SMIM12: variants seen among roughly 807,000 people sequenced by gnomAD.
SMIM12 encodes small integral membrane protein 12, also known as UPF0767 protein C1orf212.
A neutral mutation model predicts 6.3 loss-of-function variants in SMIM12; 5 were observed. That is an observed-to-expected ratio of 0.80 (90% CI 0.42 to 1.68). The LOEUF is 1.68. Among genes scored for constraint, SMIM12 ranks in the 40% most tolerant of loss-of-function variants. The pLI is 0.02. For synonymous variants in SMIM12, 51 were observed against 48.0 expected (o/e 1.06, Z -0.26); for missense variants, 103 against 121.4 (o/e 0.85, Z 0.71).
chr1:34,854,962 T>G lies in SMIM12; in HGVS notation c.*737A>C, dbSNP rs1029267552. 1 of 940,138 alleles carries G rather than the reference T, an allele frequency of 1.1e-6. No homozygotes were observed. The highest frequency in any genetic ancestry group is 1.4e-6 in the Non-Finnish European group (1 of 698,040). The allele number at this position is 940,138 out of a possible 1,614,324, so 58.2% of individuals were successfully genotyped here. The stretch of plus-strand genomic sequence containing the variant: ...GCTCCTTGGCACCCTTTAATACCAA[T>G]GTTATCCTGCTCTAAAATGCCTGTA... On this transcript the variant is annotated 3_prime_UTR_variant, in exon 2 of 2. Coordinates refer to ENST00000521580, the MANE Select transcript of SMIM12 (RefSeq NM_138428.6).
Position 34,854,334 on chromosome 1 carries a change from G to A in SMIM12, c.*1365C>T, listed in dbSNP as rs901311079. On this transcript the variant is annotated 3_prime_UTR_variant, in exon 2 of 2. Transcript: ENST00000521580. ...AAAAAAAAAGAAAAAAGAAACTACAGGCCAAGGCCGGAGGATCACTTGAGC... is the reference window on the plus strand; with the variant it reads ...AAAAAAAAAGAAAAAAGAAACTACAAGCCAAGGCCGGAGGATCACTTGAGC... 1.1e-4 allele frequency: 17 copies of A among 152,132 alleles called. No homozygotes were observed. Among genetic ancestry groups the A allele is most frequent in the African/African-American group, 4.1e-4 (17 of 41,394 alleles). 9.4% of individuals were successfully genotyped at this position (152,132 alleles called of 1,614,324 possible).
Position 34,855,380 on chromosome 1 carries a change from A to G in SMIM12, c.*319T>C, listed in dbSNP as rs375466926. ...CCCAAATCCCAGCCATTCCCACTAGAGGCCAAACCGCCTGCCCACAGAGAT... is the reference window on the plus strand; with the variant it reads ...CCCAAATCCCAGCCATTCCCACTAGGGGCCAAACCGCCTGCCCACAGAGAT... On this transcript the variant is annotated 3_prime_UTR_variant, in exon 2 of 2. Coordinates refer to ENST00000521580, the MANE Select transcript of SMIM12 (RefSeq NM_138428.6). 12 of 1,472,114 alleles carry G rather than the reference A, an allele frequency of 8.2e-6. No individual in the cohort carries two copies. The highest frequency in any genetic ancestry group is 1.1e-5 in the Non-Finnish European group (12 of 1,089,836). 91.2% of individuals were successfully genotyped at this position (1,472,114 alleles called of 1,614,324 possible).
Position 34,852,316 on chromosome 1 carries a change from T to A in SMIM12, c.*3383A>T, listed in dbSNP as rs147162107. 6.6e-6 allele frequency among the ~76,000 whole-genome samples: 1 copy of A among 152,128 alleles called. No individual in the cohort carries two copies. Among genetic ancestry groups the A allele is most frequent in the Non-Finnish European group, 1.5e-5 (1 of 68,026 alleles). ...AGATCTGAAAATCCAAAAATGTCCA[T>A]GGGAAATGTGTTTGCTATTATTTCT... On this transcript the variant is annotated 3_prime_UTR_variant, in exon 2 of 2. Transcript: ENST00000521580.
Position 34,855,403 on chromosome 1 carries a change from G to C in SMIM12, c.*296C>G, listed in dbSNP as rs1257149897. 1.3e-6 allele frequency: 2 copies of C among 1,511,600 alleles called. No individual in the cohort carries two copies. Among genetic ancestry groups the C allele is most frequent in the Admixed American group, 3.5e-5 (2 of 56,842 alleles). The allele number at this position is 1,511,600 out of a possible 1,614,324, so 93.6% of individuals were successfully genotyped here. A position where few individuals can be genotyped will look rare whatever the true frequency, so the allele number is the denominator to read the frequency against. On this transcript the variant is annotated 3_prime_UTR_variant, in exon 2 of 2. Transcript: ENST00000521580. ...AGAGGCCAAACCGCCTGCCCACAGA[G>C]ATTGACAGCCAATGTTCATCTCATA...
In SMIM12 at chr1:34,855,257, A is replaced by G; in HGVS notation, c.*442T>C. The G allele has an allele frequency of 7.3e-7, 1 of 1,371,268 alleles. No homozygotes were observed. Among genetic ancestry groups the G allele is most frequent in the Non-Finnish European group, 9.8e-7 (1 of 1,024,372 alleles). The allele number at this position is 1,371,268 out of a possible 1,614,324, so 84.9% of individuals were successfully genotyped here. On this transcript the variant is annotated 3_prime_UTR_variant, in exon 2 of 2. Coordinates refer to ENST00000521580, the MANE Select transcript of SMIM12 (RefSeq NM_138428.6). ...CAGATTTCAGTAAGAATGAGCACAAAGGATAGGGCAAAATAGTGAAGGGAG... is the reference window on the plus strand; with the variant it reads ...CAGATTTCAGTAAGAATGAGCACAAGGGATAGGGCAAAATAGTGAAGGGAG...
chr1:34,850,722 C>A lies in SMIM12; in HGVS notation c.*4977G>T, dbSNP rs573939756. ...TCCCCATTTTGCAGGGAAACCAAGG[C>A]CAGTAGAGGTGAAGCGGCATACCCC... On this transcript the variant is annotated 3_prime_UTR_variant, in exon 2 of 2. Transcript: ENST00000521580. 1 of 152,306 alleles carries A rather than the reference C, an allele frequency of 6.6e-6. No individual in the cohort carries two copies. Among genetic ancestry groups the A allele is most frequent in the East Asian group, 1.9e-4 (1 of 5,182 alleles). The allele number at this position is 152,306 out of a possible 1,614,324, so 9.4% of individuals were successfully genotyped here.
chr1:34,855,638 T>C lies in SMIM12; in HGVS notation c.*61A>G, dbSNP rs1236380661. 6.2e-7 allele frequency: 1 copy of C among 1,613,898 alleles called. No individual in the cohort carries two copies. The highest frequency in any genetic ancestry group is 1.3e-5 in the African/African-American group (1 of 74,904). On this transcript the variant is annotated 3_prime_UTR_variant, in exon 2 of 2. Transcript: ENST00000521580. ...ATTAGATGTGGGTTCTGGGGCTCTG[T>C]CAACATGGTAGCAGGACAAGTCACC...
rs1257149897 is a variant in SMIM12, at chr1:34,855,403, G to A, written c.*296C>T. The A allele has an allele frequency of 6.6e-7, 1 of 1,511,600 alleles. No individual in the cohort carries two copies. Among genetic ancestry groups the A allele is most frequent in the Non-Finnish European group, 9.0e-7 (1 of 1,114,880 alleles). The allele number at this position is 1,511,600 out of a possible 1,614,324, so 93.6% of individuals were successfully genotyped here. A position where few individuals can be genotyped will look rare whatever the true frequency, so the allele number is the denominator to read the frequency against. ...AGAGGCCAAACCGCCTGCCCACAGA[G>A]ATTGACAGCCAATGTTCATCTCATA... On this transcript the variant is annotated 3_prime_UTR_variant, in exon 2 of 2. Coordinates refer to ENST00000521580, the MANE Select transcript of SMIM12 (RefSeq NM_138428.6).
At chr1:34,859,125 G>C (rs748511612) in intron 1 of SMIM12, 12 of 152,232 alleles carry the variant, frequency 7.9e-5, no homozygotes, top group Admixed American at 5.2e-4. Context: ...GTATCACAAT[G>C]AAAGAGGCAA....
At chr1:34,858,842 T>C (rs550869431) in intron 1 of SMIM12, 2 of 152,370 alleles carry the variant, frequency 1.3e-5, no homozygotes, top group Admixed American at 6.5e-5. Context: ...TGGCTTACCC[T>C]GTCTGCGTTT....
chr1:34,851,649 C>T lies in SMIM12; in HGVS notation c.*4050G>A, dbSNP rs1039202503. 2.6e-5 allele frequency: 4 copies of T among 152,146 alleles called. No homozygotes were observed. Among genetic ancestry groups the T allele is most frequent in the East Asian group, 3.9e-4 (2 of 5,184 alleles). The allele number at this position is 152,146 out of a possible 1,614,324, so 9.4% of individuals were successfully genotyped here. On this transcript the variant is annotated 3_prime_UTR_variant, in exon 2 of 2. Transcript: ENST00000521580. ...AGGCTTGTTCTGGCAGCTGCCCAGC[C>T]GACTTGTGCTAACACAGCAACAGGC...
intron 1 of SMIM12, among the ~76,000 whole-genome samples, chr1:34,856,216 A>G (rs965034647): frequency 1.3e-5 from 2 of 151,834 alleles, no homozygotes; most frequent in African/African-American, 4.8e-5. Context: ...AGTAGCTGGG[A>G]TTACAGCTAA....
Position 34,855,538 on chromosome 1 carries a change from G to A in SMIM12, c.*161C>T. ...TGGCCCCTCGGCTGCTGCTGGGTCT[G>A]CCTGGCCATCAAGGAGCAGCCAGTA... is the stretch of plus-strand genomic sequence containing the variant. On this transcript the variant is annotated 3_prime_UTR_variant, in exon 2 of 2. Coordinates refer to ENST00000521580, the MANE Select transcript of SMIM12 (RefSeq NM_138428.6). 1 of 1,612,158 alleles carries A rather than the reference G, an allele frequency of 6.2e-7. No individual in the cohort carries two copies. The highest frequency in any genetic ancestry group is 8.5e-7 in the Non-Finnish European group (1 of 1,179,274).
Position 34,855,391 on chromosome 1 carries a change from C to T in SMIM12, c.*308G>A. ...GCCATTCCCACTAGAGGCCAAACCG[C>T]CTGCCCACAGAGATTGACAGCCAAT... On this transcript the variant is annotated 3_prime_UTR_variant, in exon 2 of 2. Coordinates refer to ENST00000521580, the MANE Select transcript of SMIM12 (RefSeq NM_138428.6). 6.7e-7 allele frequency: 1 copy of T among 1,489,956 alleles called. No individual in the cohort carries two copies. Among genetic ancestry groups the T allele is most frequent in the South Asian group, 1.1e-5 (1 of 89,246 alleles). 92.3% of individuals were successfully genotyped at this position (1,489,956 alleles called of 1,614,324 possible). A position where few individuals can be genotyped will look rare whatever the true frequency, so the allele number is the denominator to read the frequency against.
At chr1:34,857,947 G>A (rs1330174833) in intron 1 of SMIM12, 2 of 152,116 alleles carry the variant, frequency 1.3e-5, no homozygotes, top group South Asian at 2.1e-4. Context: ...AGAATCTAAT[G>A]CCGCTGCTGA....
rs1437971948 is a variant in SMIM12, at chr1:34,855,259, G to A, written c.*440C>T. 2 of 1,371,642 alleles carry A rather than the reference G, an allele frequency of 1.5e-6. No individual in the cohort carries two copies. The highest frequency in any genetic ancestry group is 1.1e-5 in the South Asian group (1 of 88,082). 85.0% of individuals were successfully genotyped at this position (1,371,642 alleles called of 1,614,324 possible). ...GATTTCAGTAAGAATGAGCACAAAG[G>A]ATAGGGCAAAATAGTGAAGGGAGCC... On this transcript the variant is annotated 3_prime_UTR_variant, in exon 2 of 2. Coordinates refer to ENST00000521580, the MANE Select transcript of SMIM12 (RefSeq NM_138428.6).
Position 34,855,333 on chromosome 1 carries a change from G to C in SMIM12, c.*366C>G. 1.4e-6 allele frequency: 2 copies of C among 1,410,896 alleles called. No individual in the cohort carries two copies. Among genetic ancestry groups the C allele is most frequent in the Non-Finnish European group, 1.9e-6 (2 of 1,050,716 alleles). The allele number at this position is 1,410,896 out of a possible 1,614,324, so 87.4% of individuals were successfully genotyped here. A position where few individuals can be genotyped will look rare whatever the true frequency, so the allele number is the denominator to read the frequency against. ...AGTGCAGACTGGAACTAGACATGCA[G>C]GTATCCCTCCTAAAGGCAACGCCCA... On this transcript the variant is annotated 3_prime_UTR_variant, in exon 2 of 2. Coordinates refer to ENST00000521580, the MANE Select transcript of SMIM12 (RefSeq NM_138428.6).
intron 1 of SMIM12, chr1:34,856,640 T>C (rs1459654505): frequency 3.3e-5 from 5 of 152,242 alleles, no homozygotes; most frequent in Non-Finnish European, 7.3e-5. Context: ...TTCTCTGCTC[T>C]ATGAAATTTC....
Position 34,851,237 on chromosome 1 carries a change from A to C in SMIM12, c.*4462T>G, listed in dbSNP as rs1450769289. On this transcript the variant is annotated 3_prime_UTR_variant, in exon 2 of 2. Transcript: ENST00000521580. ...TAGCGTACTATGCTAAGAACCTTACATAATTACCTCATCCTCACAACAACC... is the reference window on the plus strand; with the variant it reads ...TAGCGTACTATGCTAAGAACCTTACCTAATTACCTCATCCTCACAACAACC... 1 of 152,178 alleles carries C rather than the reference A, an allele frequency of 6.6e-6. No homozygotes were observed. Among genetic ancestry groups the C allele is most frequent in the African/African-American group, 2.4e-5 (1 of 41,446 alleles). 9.4% of individuals were successfully genotyped at this position (152,178 alleles called of 1,614,324 possible).
Sources: allele counts gnomAD v4.1 joint callset (sites outside exome capture counted in the v4.1 genomes callset), GRCh38; gene constraint gnomAD v4.1.1; transcripts MANE v1.5; gene names NCBI Gene and HGNC (gene_info 2026-07-23, HGNC 2026-07-21).